RNF144A: variants seen among roughly 807,000 people sequenced by gnomAD.
The protein encoded by RNF144A is ring finger protein 144A.
RNF144A carries 11 observed loss-of-function variants against 38.7 expected under a neutral mutation model. The ratio of observed to expected loss-of-function variants is 0.28; its 90% confidence interval spans 0.18 to 0.47. RNF144A has a LOEUF of 0.47. Ranked by LOEUF, RNF144A falls within the 20% of genes least tolerant of loss-of-function variation. RNF144A has a pLI of 0.99. For missense variants in RNF144A, 316 were observed against 377.2 expected (o/e 0.84, Z 1.34); for synonymous variants, 149 against 143.9 (o/e 1.04, Z -0.25).
intron 7 of RNF144A, among the ~76,000 whole-genome samples, chr2:7,028,290 G>A (rs1016088770): frequency 1.9e-4 from 29 of 152,214 alleles, no homozygotes; most frequent in African/African-American, 6.8e-4. Flanking sequence ...CAGAGATGCT[G>A]GAAAGACAAG....
intron 2 of RNF144A, among the ~76,000 whole-genome samples, chr2:6,973,234 C>T (rs1158569938): frequency 1.3e-5 from 2 of 152,102 alleles, no homozygotes; most frequent in African/African-American, 2.4e-5. Context: ...GCTTCTGATC[C>T]CAGAAGATGC....
intron 2 of RNF144A, among the ~76,000 whole-genome samples, chr2:6,989,188 TGTGC>T (rs1669176773): frequency 1.3e-5 from 2 of 152,234 alleles, no homozygotes; most frequent in Non-Finnish European, 2.9e-5. Flanking sequence ...CTAACCGGTG[TGTGC>T]ACACAAGTCT....
intron 1 of RNF144A, among the ~76,000 whole-genome samples, chr2:6,935,547 C>T (rs1665516546): frequency 6.6e-6 from 1 of 152,216 alleles, no homozygotes; most frequent in Non-Finnish European, 1.5e-5. Context: ...ATTTGGCTTC[C>T]AGTGTTAATG....
At position 7,007,630 on chromosome 2, in the gene RNF144A, G is replaced by A. The variant is rs74621948; in HGVS notation, c.136-6824G>A. 6.0e-3 allele frequency among the ~76,000 whole-genome samples: 915 copies of A among 152,248 alleles called. 7 individuals are homozygous for A. The highest frequency in any genetic ancestry group is 0.021 in the African/African-American group (874 of 41,528). On this transcript the variant is annotated intron_variant, in intron 3 of 8. Coordinates refer to ENST00000320892, the MANE Select transcript of RNF144A (RefSeq NM_014746.6). ...CACCCAATGTCACAGCCTTGGTGTGGAGTGCATATATATTTGTTGAAGTGA... is the reference window on the plus strand; with the variant it reads ...CACCCAATGTCACAGCCTTGGTGTGAAGTGCATATATATTTGTTGAAGTGA...
intron 8 of RNF144A, among the ~76,000 whole-genome samples, chr2:7,035,397 C>T (rs1672606150): frequency 1.3e-5 from 2 of 152,158 alleles, no homozygotes; most frequent in Non-Finnish European, 2.9e-5. Flanking sequence ...ACATAACTTC[C>T]CCACTCTGTG....
chr2:6,976,103 T>G (rs1176882989), intron 2 of RNF144A, among the ~76,000 whole-genome samples: 1 of 152,206 alleles, frequency 6.6e-6, no homozygotes, highest in Non-Finnish European at 1.5e-5. Context: ...ACTAACTTCC[T>G]CCACTGGGCA....
downstream of RNF144A, among the ~76,000 whole-genome samples, chr2:7,045,886 C>T (rs1430818456): frequency 7.4e-6 from 1 of 134,994 alleles, no homozygotes; most frequent in Non-Finnish European, 1.6e-5. Context: ...TGAAGCGGGC[C>T]TGGAATGTAG....
At chr2:7,062,533 A>G (rs1572496592) in intron 6 of RNF144A, among the ~76,000 whole-genome samples, 1 of 150,568 alleles carries the variant, frequency 6.6e-6, no homozygotes, top group Admixed American at 6.6e-5. Context: ...AAATAGAAAG[A>G]GGGCCTTCAA....
At chr2:7,029,493 C>A (rs1672138273) in intron 7 of RNF144A, among the ~76,000 whole-genome samples, 1 of 152,160 alleles carries the variant, frequency 6.6e-6, no homozygotes, top group East Asian at 1.9e-4. Context: ...GAACTGCTGC[C>A]CACTCAGGAT....
intron 3 of RNF144A, among the ~76,000 whole-genome samples, chr2:7,000,329 T>C (rs1670019550): frequency 6.6e-6 from 1 of 152,236 alleles, no homozygotes; most frequent in Non-Finnish European, 1.5e-5. Flanking sequence ...AGTTCTGTGC[T>C]GGAGCACTGG....
At chr2:6,988,630 C>T (rs537984962) in intron 2 of RNF144A, among the ~76,000 whole-genome samples, 4 of 152,288 alleles carry the variant, frequency 2.6e-5, no homozygotes, top group African/African-American at 4.8e-5. Flanking sequence ...TCCATGTGTA[C>T]AGTCACCCCG....
At chr2:7,006,591 G>T (rs1670456489) in intron 3 of RNF144A, among the ~76,000 whole-genome samples, 1 of 152,074 alleles carries the variant, frequency 6.6e-6, no homozygotes, top group African/African-American at 2.4e-5. Context: ...TCACAGGTGG[G>T]TCCTGGTACC....
chr2:7,049,314 C>T (rs1281924802), intron 6 of RNF144A, among the ~76,000 whole-genome samples: 3 of 152,162 alleles, frequency 2.0e-5, no homozygotes, highest in Non-Finnish European at 4.4e-5. Flanking sequence ...CTTGAATGAG[C>T]AAATGATGCT....
intron 6 of RNF144A, among the ~76,000 whole-genome samples, chr2:7,054,715 C>G (rs1344197091): frequency 6.6e-6 from 1 of 152,188 alleles, no homozygotes; most frequent in Non-Finnish European, 1.5e-5. Flanking sequence ...GGGGCACCAT[C>G]TTGGAGGCAG....
At chr2:6,988,454 A>C (rs542850088) in intron 2 of RNF144A, among the ~76,000 whole-genome samples, 1 of 152,120 alleles carries the variant, frequency 6.6e-6, no homozygotes, top group African/African-American at 2.4e-5. Flanking sequence ...AGACTTTGAC[A>C]GTTTTTGGTT....
rs553737652 is a variant in RNF144A at position 7,022,765 on chromosome 2, A to G, written c.510-1604A>G. ...TCATTCTCAGAAGGAGGCCAGGCCTAAGGTTTACTCGGAGCTGGCTCTGTG... is the reference window on the plus strand; with the variant it reads ...TCATTCTCAGAAGGAGGCCAGGCCTGAGGTTTACTCGGAGCTGGCTCTGTG... On this transcript the variant is annotated intron_variant, in intron 6 of 8. Transcript: ENST00000320892. Among the ~76,000 whole-genome samples, 167 of 152,332 alleles carry G rather than the reference A, an allele frequency of 1.1e-3. 1 individual carries two copies. Among genetic ancestry groups the G allele is most frequent in the African/African-American group, 3.7e-3 (152 of 41,576 alleles).
chr2:7,067,486 A>G (rs1674281368), intron 6 of RNF144A, among the ~76,000 whole-genome samples: 1 of 152,060 alleles, frequency 6.6e-6, no homozygotes, highest in African/African-American at 2.4e-5. Context: ...GTGTTTAGAA[A>G]TCTTTTTGAT....
At position 7,037,673 on chromosome 2, in the gene RNF144A, G is replaced by A. The variant is rs116027257; in HGVS notation, c.748-1956G>A. Among the ~76,000 whole-genome samples, 379 of 152,338 alleles carry A rather than the reference G, an allele frequency of 2.5e-3. 2 individuals carry two copies. Among genetic ancestry groups the A allele is most frequent in the African/African-American group, 8.8e-3 (364 of 41,576 alleles). ...AATGCAATCTAATTTATACACGTAT[G>A]CACGTACGTGTGCATGTGTTGGTGT... On this transcript the variant is annotated intron_variant, in intron 8 of 8. Coordinates refer to ENST00000320892, the MANE Select transcript of RNF144A (RefSeq NM_014746.6).
chr2:7,038,008 G>A (rs1672794682), intron 8 of RNF144A, among the ~76,000 whole-genome samples: 1 of 152,248 alleles, frequency 6.6e-6, no homozygotes, highest in Admixed American at 6.5e-5. Flanking sequence ...CTGGAAAGCA[G>A]GCTCTGTGCC....
Sources: gnomAD v4.1 joint callset for allele counts (sites outside exome capture counted in the v4.1 genomes callset) on GRCh38, gnomAD v4.1.1 for gene constraint, MANE v1.5 for transcripts, NCBI Gene and HGNC (gene_info 2026-07-23, HGNC 2026-07-21) for gene names.